Variants in TCF12 observed in about 807,000 individuals in gnomAD.
TCF12 encodes the protein DNA-binding protein HTF4.
TCF12 carries 45 observed loss-of-function variants against 86.0 expected under a neutral mutation model. The observed-to-expected ratio is 0.52, with a 90% CI of 0.41 to 0.67. The LOEUF (loss-of-function observed/expected upper bound fraction) is 0.67. Among genes scored for constraint, TCF12 ranks in the 30% least tolerant of loss-of-function variants. The pLI is 0.00. For missense variants in TCF12, 881 were observed against 859.9 expected, an observed-to-expected ratio of 1.02 and a Z score of -0.31; for synonymous variants, 330 against 299.6, an observed-to-expected ratio of 1.10 and a Z score of -1.05.
At position 57,180,751 on chromosome 15, in the gene TCF12, TTAAA is replaced by T. The variant is rs761911341; in HGVS notation, c.391-11401_391-11398del. Among the ~76,000 whole-genome samples, 7 of 151,572 alleles carry T rather than the reference TTAAA, an allele frequency of 4.6e-5. 1 individual carries two copies. The highest frequency in any genetic ancestry group is 2.6e-4 in the Admixed American group (4 of 15,202). On this transcript the variant is annotated intron_variant, in intron 6 of 20. Coordinates refer to ENST00000333725, the MANE Select transcript of TCF12 (RefSeq NM_207037.2). ...ATGAGGTACTCTCCATCTAATTTTCTTAAATAAATTAATAGGTAGTACTTCCAAA... is the reference window on the plus strand; with the variant it reads ...ATGAGGTACTCTCCATCTAATTTTCTTAAATTAATAGGTAGTACTTCCAAA...
intron 3 of TCF12, among the ~76,000 whole-genome samples, chr15:57,002,631 A>G (rs2064117313): frequency 6.6e-6 from 1 of 152,200 alleles, no homozygotes; most frequent in Non-Finnish European, 1.5e-5. Context: ...ACATAGATAT[A>G]TCCCAATTCA....
intron 19 of TCF12, chr15:57,278,526 G>A (rs550350826): frequency 7.4e-6 from 1 of 135,030 alleles, no homozygotes; most frequent in African/African-American, 3.0e-5. Context: ...GAGCAAGGGA[G>A]CAATCACTGT....
At chr15:57,263,327 T>C (rs935900506) in intron 18 of TCF12, 53 bp downstream of exon 18, 18 of 1,547,710 alleles carry the variant, frequency 1.2e-5, no homozygotes, top group Non-Finnish European at 1.5e-5. Flanking sequence ...TAGGTAAACA[T>C]ACTTGAGAAG....
chr15:57,012,813 A>G (rs922908614), intron 3 of TCF12, among the ~76,000 whole-genome samples: 5 of 152,174 alleles, frequency 3.3e-5, no homozygotes, highest in South Asian at 2.1e-4. Flanking sequence ...GTTTGTCAGA[A>G]TACTCTCTAC....
chr15:56,918,411 C>A, upstream of TCF12: 1 of 363,236 alleles, frequency 2.8e-6, no homozygotes, highest in Non-Finnish European at 5.5e-6. Context: ...GGCGAGCGGT[C>A]GGGGCCTGCT....
rs765236396 is a variant in TCF12 at position 57,234,059 on chromosome 15, T to C, written c.987T>C (p.Ala329=). 4.3e-6 allele frequency: 7 copies of C among 1,613,634 alleles called. No individual in the cohort carries two copies. Among genetic ancestry groups the C allele is most frequent in the Non-Finnish European group, 5.9e-6 (7 of 1,179,628 alleles). The change falls in exon 12 of 21, where the codon GCT becomes GCC. Residue 329 remains alanine (A), a synonymous_variant. Coordinates refer to ENST00000333725, the MANE Select transcript of TCF12 (RefSeq NM_207037.2). ...AATATCCAGGAACCAGAGGGAATGCTGCTGGAAGCTCACAGACAGGTGATG... is the reference window on the plus strand; with the variant it reads ...AATATCCAGGAACCAGAGGGAATGCCGCTGGAAGCTCACAGACAGGTGATG... ...SDSILGTRGN[A]AGSSQTGDAL... is the part of the protein sequence containing the mutation.
rs146437796 is a variant in TCF12, at chr15:57,262,175, G to C, written c.1549G>C (p.Asp517His). The change falls in exon 17 of 21, where the codon GAC becomes CAC. Residue 517 changes from aspartate to histidine, a missense_variant. Asp to His is a moderately conservative substitution (Grantham distance 81). Transcript: ENST00000333725. Reference sequence around the variant, plus strand: ...TAGTACAGTCACTACTTCAAGCACAGACCTGAACCATAAAACACAAGAAAA... The same window carrying C: ...TAGTACAGTCACTACTTCAAGCACACACCTGAACCATAAAACACAAGAAAA... Reference protein sequence around the residue: ...LSSTVTTSSTDLNHKTQENYR... With the variant: ...LSSTVTTSSTHLNHKTQENYR... 44 of 1,613,126 alleles carry C rather than the reference G, an allele frequency of 2.7e-5. No individual in the cohort carries two copies. The highest frequency in any genetic ancestry group is 3.6e-5 in the Non-Finnish European group (43 of 1,179,506).
rs773336895 is a variant in TCF12 at position 57,063,655 on chromosome 15, A to G, written c.149-95A>G. 57 of 970,978 alleles carry G rather than the reference A, an allele frequency of 5.9e-5. 2 individuals carry two copies. In the South Asian group the frequency reaches 8.5e-4, roughly 15 times the overall value. The allele number at this position is 970,978 out of a possible 1,614,324, so 60.1% of individuals were successfully genotyped here. On this transcript the variant is annotated intron_variant, in intron 3 of 20. Transcript: ENST00000333725. ...TACTTAGCTCTTCCACGAAAGCGCA[A>G]ATACCACTTGCTAAATTGTACTCTG...
At chr15:57,163,563 C>T (rs1469037637) in intron 5 of TCF12, among the ~76,000 whole-genome samples, 5 of 151,736 alleles carry the variant, frequency 3.3e-5, no homozygotes, top group Admixed American at 3.3e-4. Flanking sequence ...GAAAATTAGG[C>T]GTGTTGGCAA....
At chr15:57,233,358 T>C (rs921668037) in intron 11 of TCF12, among the ~76,000 whole-genome samples, 3 of 151,186 alleles carry the variant, frequency 2.0e-5, no homozygotes, top group Non-Finnish European at 4.4e-5. Flanking sequence ...TTTTACTTTT[T>C]GTTGAGACAG....
intron 19 of TCF12, among the ~76,000 whole-genome samples, chr15:57,275,850 G>T (rs1212411923): frequency 6.6e-6 from 1 of 152,120 alleles, no homozygotes; most frequent in Non-Finnish European, 1.5e-5. Context: ...AGGTCTAGCA[G>T]TTCATCCCAG....
chr15:57,077,317 ATG>A (rs1221445568), intron 4 of TCF12, among the ~76,000 whole-genome samples: 12 of 121,514 alleles, frequency 9.9e-5, no homozygotes, highest in Admixed American at 8.1e-4. Context: ...TTCCATATAT[ATG>A]TATATATATG....
At chr15:57,056,784 CT>C (rs1391110100) in intron 3 of TCF12, among the ~76,000 whole-genome samples, 1 of 148,200 alleles carries the variant, frequency 6.7e-6, no homozygotes, top group Non-Finnish European at 1.5e-5. Flanking sequence ...TTAATGTTTT[CT>C]TTTTCTTCGT....
chr15:57,265,812 C>T (rs2060835085), intron 18 of TCF12, among the ~76,000 whole-genome samples: 1 of 152,144 alleles, frequency 6.6e-6, no homozygotes, highest in African/African-American at 2.4e-5. Context: ...CAACTGGCAG[C>T]ACAGTAGGTT....
chr15:57,243,497 G>A lies in TCF12; in HGVS notation c.1061G>A (p.Ser354Asn), dbSNP rs2059722513. 6.2e-7 allele frequency: 1 copy of A among 1,613,914 alleles called. No individual in the cohort carries two copies. The highest frequency in any genetic ancestry group is 8.5e-7 in the Non-Finnish European group (1 of 1,179,886). The change falls in exon 13 of 21, where the codon AGT becomes AAT. Residue 354 changes from serine to asparagine, a missense_variant. Transcript: ENST00000333725. ...ASIYSPDHTS[S>N]SFPSNPSTPV... ...ATTTATTCTCCTGACCATACCAGCA[G>A]TAGTTTTCCGTCAAATCCATCAACA...
At position 56,923,859 on chromosome 15, in the gene TCF12, AC is replaced by A. The variant is rs567413224; in HGVS notation, c.148+2762del. ...TGTTTCTATCTAGAATGTCATTTTA[AC>A]TATTAAGTAAAGCTTCACTTTTTCT... On this transcript the variant is annotated intron_variant, in intron 3 of 20. Coordinates refer to ENST00000333725, the MANE Select transcript of TCF12 (RefSeq NM_207037.2). Among the ~76,000 whole-genome samples, 8 of 152,206 alleles carry A rather than the reference AC, an allele frequency of 5.3e-5. No individual in the cohort carries two copies. The South Asian group carries it at 1.7e-3, about 32-fold the overall frequency.
intron 6 of TCF12, 135 bp from the exon 7 acceptor site, chr15:57,192,023 T>C (rs2057006555): frequency 2.1e-6 from 2 of 946,398 alleles, no homozygotes; most frequent in Admixed American, 5.1e-5. Flanking sequence ...TCTAATTGAA[T>C]TCAAAACGTA....
intron 5 of TCF12, among the ~76,000 whole-genome samples, chr15:57,131,951 C>T (rs1364010144): frequency 1.3e-5 from 2 of 152,024 alleles, no homozygotes; most frequent in Non-Finnish European, 2.9e-5. Flanking sequence ...TATAATAAAC[C>T]ACCAGTGAGT....
chr15:57,048,851 C>T (rs757896166), intron 3 of TCF12, among the ~76,000 whole-genome samples: 17 of 152,108 alleles, frequency 1.1e-4, no homozygotes, highest in Non-Finnish European at 1.8e-4. Flanking sequence ...TTGATAAATG[C>T]ATACACCCAT....
Sources: gnomAD v4.1 joint callset for allele counts (sites outside exome capture counted in the v4.1 genomes callset) on GRCh38, gnomAD v4.1.1 for gene constraint, MANE v1.5 for transcripts, NCBI Gene and HGNC (gene_info 2026-07-23, HGNC 2026-07-21) for gene names.